SLC35F3: variants seen among roughly 807,000 people sequenced by gnomAD.
The protein encoded by SLC35F3 is putative thiamine transporter SLC35F3.
Under a neutral mutation model 49.9 loss-of-function variants are expected in SLC35F3, and 25 were observed. The observed-to-expected ratio is 0.50, with a 90% CI of 0.37 to 0.70. The LOEUF (loss-of-function observed/expected upper bound fraction) is 0.70. Among genes scored for constraint, SLC35F3 ranks in the 30% least tolerant of loss-of-function variants. SLC35F3 has a pLI of 0.00. For missense variants in SLC35F3, 525 were observed against 639.8 expected (o/e 0.82, Z 1.94); for synonymous variants, 275 against 265.4 (o/e 1.04, Z -0.35).
chr1:234,309,453 A>G (rs1488871236), intron 4 of SLC35F3, 133 bp downstream of exon 4: 1 of 764,150 alleles, frequency 1.3e-6, no homozygotes, highest in South Asian at 1.9e-5. Context: ...TTTGCAGCAG[A>G]AAATGAGCCC....
intron 2 of SLC35F3, chr1:234,215,207 G>A (rs1667104119): frequency 6.6e-6 from 1 of 152,438 alleles, no homozygotes; most frequent in South Asian, 2.1e-4. Flanking sequence ...GGATTGGAAG[G>A]GCTGTGAGAG....
chr1:234,043,949 G>A (rs777934870), intron 2 of SLC35F3, among the ~76,000 whole-genome samples: 12 of 151,820 alleles, frequency 7.9e-5, no homozygotes, highest in African/African-American at 1.9e-4. Context: ...GTTTGCATAC[G>A]CTTTGTCTCT....
At chr1:233,987,003 G>A (rs1663275254) in intron 2 of SLC35F3, among the ~76,000 whole-genome samples, 1 of 152,108 alleles carries the variant, frequency 6.6e-6, no homozygotes, top group African/African-American at 2.4e-5. Flanking sequence ...CAGAAATGAT[G>A]CAAGAGGCTG....
At chr1:234,182,322 G>A (rs1257326242) in intron 2 of SLC35F3, among the ~76,000 whole-genome samples, 4 of 152,150 alleles carry the variant, frequency 2.6e-5, no homozygotes, top group Admixed American at 6.5e-5. Context: ...TCTCTTGTAT[G>A]ACAACATGTT....
intron 4 of SLC35F3, among the ~76,000 whole-genome samples, chr1:234,315,374 C>T (rs1657464124): frequency 6.6e-6 from 1 of 152,216 alleles, no homozygotes; most frequent in Admixed American, 6.5e-5. Context: ...CAATTTGAAT[C>T]TAACAGTAGG....
chr1:234,096,146 A>T lies in SLC35F3; in HGVS notation c.284-135271A>T, dbSNP rs1360495962. ...TCTTTGACACTCCATGTGTTCTGTA[A>T]ATATTTCCTTTTCTCCCCTCAGTGT... On this transcript the variant is annotated intron_variant, in intron 2 of 7. Transcript: ENST00000366618. Among the ~76,000 whole-genome samples, 3 of 152,178 alleles carry T rather than the reference A, an allele frequency of 2.0e-5. No individual in the cohort carries two copies. In the East Asian group the frequency reaches 5.8e-4, roughly 29 times the overall value.
At chr1:234,145,984 T>C (rs986105072) in intron 2 of SLC35F3, among the ~76,000 whole-genome samples, 9 of 152,228 alleles carry the variant, frequency 5.9e-5, no homozygotes, top group African/African-American at 1.7e-4. Context: ...TTTTCAACTT[T>C]TAACTTTCAA....
intron 2 of SLC35F3, among the ~76,000 whole-genome samples, chr1:234,074,480 T>C (rs1558222097): frequency 6.6e-6 from 1 of 152,144 alleles, no homozygotes; most frequent in Non-Finnish European, 1.5e-5. Context: ...GCTCAACCCA[T>C]GCAGATATGT....
Position 234,104,353 on chromosome 1 carries a change from A to G in SLC35F3, c.284-127064A>G, listed in dbSNP as rs142076451. On this transcript the variant is annotated intron_variant, in intron 2 of 7. Transcript: ENST00000366618. ...TGCTCTTGAATATAGGTAGCAAGGT[A>G]TAAGAAAAAAAACTATAAAGAAAGA... 4.6e-5 allele frequency among the ~76,000 whole-genome samples: 7 copies of G among 152,334 alleles called. No homozygotes were observed. The East Asian group carries it at 9.6e-4, about 21-fold the overall frequency.
Position 233,923,822 on chromosome 1 carries a change from G to A in SLC35F3, c.283+18064G>A, listed in dbSNP as rs551249342. 2.2e-3 allele frequency among the ~76,000 whole-genome samples: 335 copies of A among 152,074 alleles called. 1 individual carries two copies. Among genetic ancestry groups the A allele is most frequent in the African/African-American group, 7.5e-3 (311 of 41,504 alleles). ...CTCTTATTTTGAGATACATTCCATC[G>A]ACACCTAGTTTATGAGAGTTTTTAG... On this transcript the variant is annotated intron_variant, in intron 2 of 7. Coordinates refer to ENST00000366618, the MANE Select transcript of SLC35F3 (RefSeq NM_173508.4).
At chr1:234,004,245 A>T (rs1429993661) in intron 2 of SLC35F3, among the ~76,000 whole-genome samples, 1 of 152,184 alleles carries the variant, frequency 6.6e-6, no homozygotes, top group Non-Finnish European at 1.5e-5. Context: ...AAATGATTAC[A>T]ATGGAAAACA....
chr1:234,034,975 A>C (rs1419216676), intron 2 of SLC35F3, among the ~76,000 whole-genome samples: 1 of 152,214 alleles, frequency 6.6e-6, no homozygotes, highest in Admixed American at 6.5e-5. Context: ...AACTTTACTC[A>C]AGAATTTAGG....
At chr1:234,068,496 T>C (rs1473628778) in intron 2 of SLC35F3, among the ~76,000 whole-genome samples, 1 of 152,088 alleles carries the variant, frequency 6.6e-6, no homozygotes, top group African/African-American at 2.4e-5. Flanking sequence ...TAGCTGGGAC[T>C]ACAGGCGCGT....
At chr1:234,233,490 C>T (rs1246693923) in intron 3 of SLC35F3, among the ~76,000 whole-genome samples, 3 of 152,234 alleles carry the variant, frequency 2.0e-5, no homozygotes, top group Non-Finnish European at 2.9e-5. Context: ...CTACCACTTA[C>T]CTGGGAAGAC....
intron 2 of SLC35F3, among the ~76,000 whole-genome samples, chr1:234,003,816 CAAAA>C (rs1663589232): frequency 6.6e-6 from 1 of 151,918 alleles, no homozygotes; most frequent in Non-Finnish European, 1.5e-5. Context: ...ATTCGGTTCA[CAAAA>C]AAAGGAAAAT....
chr1:234,281,936 G>C (rs1023071152), intron 3 of SLC35F3, among the ~76,000 whole-genome samples: 2 of 152,204 alleles, frequency 1.3e-5, no homozygotes, highest in Admixed American at 6.5e-5. Flanking sequence ...TGGCCAGGGA[G>C]CAAGGAGCAC....
intron 3 of SLC35F3, among the ~76,000 whole-genome samples, chr1:234,265,919 G>A (rs1667970825): frequency 6.6e-6 from 1 of 152,040 alleles, no homozygotes; most frequent in South Asian, 2.1e-4. Context: ...TTCCTCCATG[G>A]CTCTTCCCAT....
intron 2 of SLC35F3, among the ~76,000 whole-genome samples, chr1:234,196,957 A>C (rs1666822943): frequency 6.6e-6 from 1 of 152,240 alleles, no homozygotes; most frequent in African/African-American, 2.4e-5. Flanking sequence ...AAAAAAAGAA[A>C]GACAAAGATA....
intron 5 of SLC35F3, among the ~76,000 whole-genome samples, chr1:234,317,280 C>T (rs1029905088): frequency 2.6e-5 from 4 of 152,154 alleles, no homozygotes; most frequent in African/African-American, 9.7e-5. Flanking sequence ...CATGGGAAAG[C>T]ACTTGCCAGC....
Sources: gnomAD v4.1 joint callset for allele counts (sites outside exome capture counted in the v4.1 genomes callset) on GRCh38, gnomAD v4.1.1 for gene constraint, MANE v1.5 for transcripts, NCBI Gene and HGNC (gene_info 2026-07-23, HGNC 2026-07-21) for gene names.